The following C4orf33 variants were observed in gnomAD, a reference collection of about 807,000 sequenced individuals.
C4orf33 encodes the protein UPF0462 protein C4orf33.
In C4orf33, 20 loss-of-function variants were observed where a neutral mutation model predicts 24.3. The observed-to-expected ratio is 0.82, with a 90% CI of 0.58 to 1.19. C4orf33 has a LOEUF of 1.19. C4orf33 is among the 50% of genes most tolerant of loss of function. The probability of loss-of-function intolerance (pLI) is 0.00; values close to 1 mark genes in which losing one functional copy is unlikely to be tolerated. For synonymous variants in C4orf33, 67 were observed against 76.4 expected (o/e 0.88, Z 0.64); for missense variants, 207 against 225.9 (o/e 0.92, Z 0.54).
rs140576328 is a variant in C4orf33 at position 129,111,714 on chromosome 4, A to C, written c.523A>C (p.Asn175His). Residue 175 changes from asparagine (N) to histidine (H), a missense_variant, in exon 6 of 6, where the codon AAT (asparagine) becomes CAT (histidine). Transcript: ENST00000425929. ...TTGCCTAGAATACTTCAAGTCTTTC[A>C]ATTTTAACACACTGCTTGGAGAAGA... ...FHCLEYFKSFNFNTLLGEEWK... is the reference protein window; with the variant it reads ...FHCLEYFKSFHFNTLLGEEWK... 3 of 1,612,336 alleles carry C rather than the reference A, an allele frequency of 1.9e-6. No individual in the cohort carries two copies. Among genetic ancestry groups the C allele is most frequent in the Non-Finnish European group, 2.5e-6 (3 of 1,178,928 alleles).
chr4:129,094,240 C>CCG (rs1753101910), upstream of C4orf33, among the ~76,000 whole-genome samples: 2 of 152,180 alleles, frequency 1.3e-5, no homozygotes, highest in African/African-American at 4.8e-5. Context: ...GTAAAACTTA[C>CCG]ATTTGTGGAT....
At chr4:129,110,876 A>G (rs498435) in intron 5 of C4orf33, among the ~76,000 whole-genome samples, 39,310 of 148,752 alleles carry the variant, frequency 0.26, 6,248 homozygotes, top group Non-Finnish European at 0.35. Context: ...TTACTCTGGG[A>G]TTGACAATTG....
chr4:129,099,666 C>T (rs563481003), intron 1 of C4orf33, among the ~76,000 whole-genome samples: 5 of 152,106 alleles, frequency 3.3e-5, no homozygotes, highest in Non-Finnish European at 5.9e-5. Context: ...AGGAGGGGAG[C>T]GCTAGCCCAA....
intron 1 of C4orf33, among the ~76,000 whole-genome samples, chr4:129,100,303 A>G (rs756696833): frequency 6.6e-6 from 1 of 151,542 alleles, no homozygotes; most frequent in Non-Finnish European, 1.5e-5. Flanking sequence ...GCCCAACACA[A>G]ATTCGTAAAC....
rs1753527647 is a variant in C4orf33, at chr4:129,106,632, A to G, written c.227A>G (p.Glu76Gly). 1.3e-6 allele frequency: 2 copies of G among 1,538,570 alleles called. No homozygotes were observed. Among genetic ancestry groups the G allele is most frequent in the Non-Finnish European group, 1.8e-6 (2 of 1,128,240 alleles). ...FLNDITEQYL[E>G]VELCPHGQHL... ...AATGATATAACTGAGCAATATTTAG[A>G]AGTTGAACTTTGTCCGTAAGTATAA... The change falls in exon 3 of 6, where the codon GAA becomes GGA. Residue 76 changes from glutamate to glycine, a missense_variant. By Grantham distance (98) the Glu-to-Gly change is moderately conservative. Coordinates refer to ENST00000425929, the MANE Select transcript of C4orf33 (RefSeq NM_001099783.2).
intron 2 of C4orf33, among the ~76,000 whole-genome samples, chr4:129,104,986 T>G (rs564544588): frequency 2.7e-5 from 4 of 149,518 alleles, no homozygotes; most frequent in East Asian, 1.9e-4. Flanking sequence ...GTGTGTGTGA[T>G]ATATATACAC....
chr4:129,112,785 G>C lies in C4orf33; in HGVS notation c.*994G>C, dbSNP rs1250893158. 6.6e-6 allele frequency: 1 copy of C among 152,074 alleles called. No homozygotes were observed. Among genetic ancestry groups the C allele is most frequent in the Non-Finnish European group, 1.5e-5 (1 of 67,986 alleles). 9.4% of individuals were successfully genotyped at this position (152,074 alleles called of 1,614,324 possible). A position where few individuals can be genotyped will look rare whatever the true frequency, so the allele number is the denominator to read the frequency against. On this transcript the variant is annotated 3_prime_UTR_variant, in exon 6 of 6. Transcript: ENST00000425929. ...CTTATATATGTTCTCTATCTAAAAAGAGAGCTGGTGTAAGATAAATGCTAA... is the reference window on the plus strand; with the variant it reads ...CTTATATATGTTCTCTATCTAAAAACAGAGCTGGTGTAAGATAAATGCTAA...
At chr4:129,110,937 T>A (rs1753678929) in intron 5 of C4orf33, among the ~76,000 whole-genome samples, 1 of 152,170 alleles carries the variant, frequency 6.6e-6, no homozygotes, top group South Asian at 2.1e-4. Context: ...GAGACAAACA[T>A]GTAGTTGCAA....
chr4:129,101,421 G>T (rs988320084), intron 1 of C4orf33, among the ~76,000 whole-genome samples: 1 of 151,986 alleles, frequency 6.6e-6, no homozygotes, highest in Non-Finnish European at 1.5e-5. Context: ...GTTTGGAAAG[G>T]TTATCAGGTA....
chr4:129,104,148 A>T (rs1302212795), intron 2 of C4orf33, among the ~76,000 whole-genome samples: 2 of 152,202 alleles, frequency 1.3e-5, no homozygotes, highest in African/African-American at 2.4e-5. Flanking sequence ...AATCTAAAAA[A>T]TTGTGAGATC....
rs1753748723 is a variant in C4orf33, at chr4:129,114,819, A to T, written c.*3028A>T. ...CAAATAGAAGCGGGCTACCATGCAG[A>T]GCTAGAGTTATAACTATTAATGGAA... is the stretch of plus-strand genomic sequence containing the variant. On this transcript the variant is annotated 3_prime_UTR_variant, in exon 6 of 6. Transcript: ENST00000425929. 1 of 152,200 alleles carries T rather than the reference A, an allele frequency of 6.6e-6. No homozygotes were observed. The highest frequency in any genetic ancestry group is 6.5e-5 in the Admixed American group (1 of 15,284). 9.4% of individuals were successfully genotyped at this position (152,200 alleles called of 1,614,324 possible).
rs1561095059 is a variant in C4orf33 at position 129,115,831 on chromosome 4, A to ATATATATATAT, written c.*4040_*4041insTATATATATAT. The ATATATATATAT allele has an allele frequency of 3.0e-4, 13 of 43,734 alleles. No individual in the cohort carries two copies. Among genetic ancestry groups the ATATATATATAT allele is most frequent in the East Asian group, 8.0e-4 (1 of 1,248 alleles). 2.7% of individuals were successfully genotyped at this position (43,734 alleles called of 1,614,324 possible). A position where few individuals can be genotyped will look rare whatever the true frequency, so the allele number is the denominator to read the frequency against. On this transcript the variant is annotated 3_prime_UTR_variant, in exon 6 of 6. Coordinates refer to ENST00000425929, the MANE Select transcript of C4orf33 (RefSeq NM_001099783.2). ...ATATATATATATATATATATATATA[A>ATATATATATAT]AATATATATGTTTATATATAACATA...
At chr4:129,110,701 TTA>T in intron 5 of C4orf33, among the ~76,000 whole-genome samples, 1 of 102,264 alleles carries the variant, frequency 9.8e-6, no homozygotes, top group South Asian at 3.4e-4. Flanking sequence ...TGCCATGCTC[TTA>T]CTTTATGCTT....
At chr4:129,096,592 C>T (rs1244101409) in intron 1 of C4orf33, among the ~76,000 whole-genome samples, 2 of 152,140 alleles carry the variant, frequency 1.3e-5, no homozygotes, top group African/African-American at 4.8e-5. Context: ...AGTGTTCGGT[C>T]TCCTTTCTCT....
At chr4:129,109,048 G>C (rs1377373964) in intron 3 of C4orf33, among the ~76,000 whole-genome samples, 9 of 152,078 alleles carry the variant, frequency 5.9e-5, no homozygotes, top group Admixed American at 5.9e-4. Context: ...CACCATGCCT[G>C]GCTAATTTTT....
intron 1 of C4orf33, among the ~76,000 whole-genome samples, chr4:129,100,253 G>A (rs1272595398): frequency 1.3e-5 from 2 of 151,916 alleles, no homozygotes; most frequent in African/African-American, 4.8e-5. Context: ...CCAACCCAAG[G>A]CCCATGGACT....
chr4:129,108,655 G>T (rs1411757492), intron 3 of C4orf33, among the ~76,000 whole-genome samples: 1 of 152,046 alleles, frequency 6.6e-6, no homozygotes, highest in African/African-American at 2.4e-5. Flanking sequence ...TTTGAAACTC[G>T]TTTTATAAAA....
Position 129,102,651 on chromosome 4 carries a change from T to C in C4orf33, c.41T>C (p.Val14Ala). The change falls in exon 2 of 6, where the codon GTG becomes GCG. Residue 14 changes from valine to alanine, a missense_variant. Physicochemically the swap from Val to Ala is moderately conservative, Grantham distance 64. Coordinates refer to ENST00000425929, the MANE Select transcript of C4orf33 (RefSeq NM_001099783.2). The part of the protein sequence containing the change: ...KIEHTWDGFP[V>A]KHEPVFIRLN... ...GAACACACTTGGGATGGTTTTCCAG[T>C]GAAGCATGAGCCCGTATTTATCAGG... 6.2e-7 allele frequency: 1 copy of C among 1,613,826 alleles called. No homozygotes were observed. The highest frequency in any genetic ancestry group is 8.5e-7 in the Non-Finnish European group (1 of 1,179,878).
rs919303169 is a variant in C4orf33, at chr4:129,112,639, A to T, written c.*848A>T. On this transcript the variant is annotated 3_prime_UTR_variant, in exon 6 of 6. Coordinates refer to ENST00000425929, the MANE Select transcript of C4orf33 (RefSeq NM_001099783.2). ...ATATGTAAATTAATTCCTTAATAAA[A>T]TACTATTATAAAATAAGCTGTAAAT... The T allele has an allele frequency of 1.3e-5, 2 of 152,224 alleles. No homozygotes were observed. The highest frequency in any genetic ancestry group is 4.8e-5 in the African/African-American group (2 of 41,470). The allele number at this position is 152,224 out of a possible 1,614,324, so 9.4% of individuals were successfully genotyped here. A position where few individuals can be genotyped will look rare whatever the true frequency, so the allele number is the denominator to read the frequency against.
Sources: allele counts gnomAD v4.1 joint callset (sites outside exome capture counted in the v4.1 genomes callset), GRCh38; gene constraint gnomAD v4.1.1; transcripts MANE v1.5; gene names NCBI Gene and HGNC (gene_info 2026-07-23, HGNC 2026-07-21).